Variants in TFAP2D observed in about 807,000 individuals in gnomAD.
TFAP2D encodes transcription factor AP-2-delta.
TFAP2D carries 9 observed loss-of-function variants against 43.6 expected under a neutral mutation model. The ratio of observed to expected loss-of-function variants is 0.21; its 90% confidence interval spans 0.12 to 0.36. TFAP2D has a LOEUF of 0.36. Among genes scored for constraint, TFAP2D ranks in the 10% least tolerant of loss-of-function variants. The probability of loss-of-function intolerance (pLI) is 1.00; values close to 1 mark genes in which losing one functional copy is unlikely to be tolerated. For missense variants in TFAP2D, 513 were observed against 561.4 expected (o/e 0.91, Z 0.87); for synonymous variants, 256 against 224.9 (o/e 1.14, Z -1.24).
intron 7 of TFAP2D, among the ~76,000 whole-genome samples, chr6:50,760,394 T>C (rs1769347348): frequency 6.6e-6 from 1 of 152,010 alleles, no homozygotes; most frequent in African/African-American, 2.4e-5. Context: ...ACCAATTAAA[T>C]CAGGGTCTTT....
At chr6:50,746,898 G>T (rs1696171251) in intron 6 of TFAP2D, among the ~76,000 whole-genome samples, 1 of 152,056 alleles carries the variant, frequency 6.6e-6, no homozygotes, top group South Asian at 2.1e-4. Flanking sequence ...TTGTCCCAAA[G>T]AGAAGAAAAG....
intron 5 of TFAP2D, among the ~76,000 whole-genome samples, chr6:50,733,894 T>C (rs1768927421): frequency 6.6e-6 from 1 of 152,108 alleles, no homozygotes; most frequent in East Asian, 1.9e-4. Context: ...TCTGAAAGTA[T>C]AGATTATTTA....
At chr6:50,746,380 G>A (rs956603083) in intron 6 of TFAP2D, among the ~76,000 whole-genome samples, 1 of 151,864 alleles carries the variant, frequency 6.6e-6, no homozygotes, top group Non-Finnish European at 1.5e-5. Context: ...TGAGACTACA[G>A]GCATGAGCCA....
At position 50,713,947 on chromosome 6, in the gene TFAP2D, A is replaced by C; in HGVS notation, c.-109A>C. 1 of 1,441,068 alleles carries C rather than the reference A, an allele frequency of 6.9e-7. No individual in the cohort carries two copies. The highest frequency in any genetic ancestry group is 9.6e-7 in the Non-Finnish European group (1 of 1,038,992). 89.3% of individuals were successfully genotyped at this position (1,441,068 alleles called of 1,614,324 possible). ...CAATTTAGATATCTACCTATAGAAC[A>C]TTTTTTTTTTCCTTTAAAAATTGGA... is the stretch of plus-strand genomic sequence containing the variant. On this transcript the variant is annotated 5_prime_UTR_variant, in exon 1 of 8. Coordinates refer to ENST00000008391, the MANE Select transcript of TFAP2D (RefSeq NM_172238.4).
intron 5 of TFAP2D, among the ~76,000 whole-genome samples, chr6:50,735,901 C>T (rs952026416): frequency 2.6e-5 from 4 of 152,070 alleles, no homozygotes; most frequent in Admixed American, 1.3e-4. Context: ...GCTTGAAAAC[C>T]GGAATCATTT....
Position 50,715,202 on chromosome 6 carries a change from C to T in TFAP2D, c.126C>T (p.Ser42=). Residue 42 remains serine (S), a synonymous_variant, in exon 2 of 8, where the codon TCC becomes TCT. Coordinates refer to ENST00000008391, the MANE Select transcript of TFAP2D (RefSeq NM_172238.4). The stretch of plus-strand genomic sequence containing the variant: ...CCAATTCCACTGTCGCCTATTCCTC[C>T]TCCTCTCCTTTAACTTACTCCACCA... ...SVANSTVAYS[S]SSPLTYSTTG... 1 of 1,614,056 alleles carries T rather than the reference C, an allele frequency of 6.2e-7. No individual in the cohort carries two copies. The highest frequency in any genetic ancestry group is 2.2e-5 in the East Asian group (1 of 44,856).
chr6:50,736,835 C>T (rs1252381553), intron 5 of TFAP2D, among the ~76,000 whole-genome samples: 1 of 152,180 alleles, frequency 6.6e-6, no homozygotes, highest in Non-Finnish European at 1.5e-5. Context: ...TTTGATCTAG[C>T]TCATTATTCT....
chr6:50,732,805 T>C (rs1054891562), intron 5 of TFAP2D, among the ~76,000 whole-genome samples: 1 of 152,076 alleles, frequency 6.6e-6, no homozygotes, highest in Admixed American at 6.6e-5. Flanking sequence ...CATAACAGGT[T>C]TCATTAGCAT....
intron 6 of TFAP2D, among the ~76,000 whole-genome samples, chr6:50,745,458 T>C (rs1769113245): frequency 6.6e-6 from 1 of 152,158 alleles, no homozygotes; most frequent in Non-Finnish European, 1.5e-5. Flanking sequence ...GATAAGGCTG[T>C]CATTGAAACT....
chr6:50,766,931 GT>G (rs1383408520), intron 7 of TFAP2D, among the ~76,000 whole-genome samples: 3 of 152,036 alleles, frequency 2.0e-5, no homozygotes, highest in Non-Finnish European at 2.9e-5. Context: ...GCCTCCCAAA[GT>G]GCTGGGATTA....
At chr6:50,723,115 G>A (rs1463747343) in intron 3 of TFAP2D, among the ~76,000 whole-genome samples, 2 of 152,238 alleles carry the variant, frequency 1.3e-5, no homozygotes, top group Non-Finnish European at 2.9e-5. Flanking sequence ...AGCGCTTAGA[G>A]GTGACTGGCA....
In TFAP2D at chr6:50,713,813, T is replaced by A; in HGVS notation, c.-243T>A. On this transcript the variant is annotated 5_prime_UTR_variant, in exon 1 of 8. Coordinates refer to ENST00000008391, the MANE Select transcript of TFAP2D (RefSeq NM_172238.4). The stretch of plus-strand genomic sequence containing the variant: ...ATCAGCCAAAGAAATACTCAGCAAG[T>A]ACAAAATCTGTTCCAGGGAGCTGCT... 1 of 590,520 alleles carries A rather than the reference T, an allele frequency of 1.7e-6. No homozygotes were observed. Among genetic ancestry groups the A allele is most frequent in the Non-Finnish European group, 2.9e-6 (1 of 339,172 alleles). The allele number at this position is 590,520 out of a possible 1,614,324, so 36.6% of individuals were successfully genotyped here.
At chr6:50,723,904 GCA>G (rs1768768046) in intron 3 of TFAP2D, among the ~76,000 whole-genome samples, 1 of 151,884 alleles carries the variant, frequency 6.6e-6, no homozygotes, top group Non-Finnish European at 1.5e-5. Flanking sequence ...GTCTCTTCAC[GCA>G]CACCTCTCTT....
intron 7 of TFAP2D, among the ~76,000 whole-genome samples, chr6:50,771,092 A>AAGAACTACCT (rs1344852363): frequency 1.3e-5 from 2 of 152,214 alleles, no homozygotes; most frequent in Non-Finnish European, 2.9e-5. Context: ...TCGTGGTTGG[A>AAGAACTACCT]AGAACTACCT....
intron 6 of TFAP2D, among the ~76,000 whole-genome samples, chr6:50,745,515 G>T (rs1214849582): frequency 6.6e-6 from 1 of 152,104 alleles, no homozygotes; most frequent in Non-Finnish European, 1.5e-5. Flanking sequence ...GAAATCCCTT[G>T]GAGAAAAACA....
At position 50,730,868 on chromosome 6, in the gene TFAP2D, C is replaced by A. The variant is rs143196785; in HGVS notation, c.883+1556C>A. Among the ~76,000 whole-genome samples, 69 of 152,092 alleles carry A rather than the reference C, an allele frequency of 4.5e-4. 3 individuals carry two copies. The East Asian group carries it at 0.013, about 29-fold the overall frequency. Reference sequence around the variant, plus strand: ...TCATTGATTTAATTGTTCCTTGGAACCCTTTTCACCACCCGGGATGATTGT... The same window carrying A: ...TCATTGATTTAATTGTTCCTTGGAAACCTTTTCACCACCCGGGATGATTGT... On this transcript the variant is annotated intron_variant, in intron 5 of 7. Transcript: ENST00000008391.
chr6:50,764,816 T>C (rs1769419834), intron 7 of TFAP2D, among the ~76,000 whole-genome samples: 1 of 152,162 alleles, frequency 6.6e-6, no homozygotes, highest in Admixed American at 6.6e-5. Context: ...AAATAAAATA[T>C]ATTTAAGATG....
chr6:50,732,415 C>T (rs1411666735), intron 5 of TFAP2D, among the ~76,000 whole-genome samples: 1 of 152,000 alleles, frequency 6.6e-6, no homozygotes, highest in African/African-American at 2.4e-5. Flanking sequence ...TCTCAAACAT[C>T]CTAATGGCCC....
intron 7 of TFAP2D, among the ~76,000 whole-genome samples, chr6:50,771,173 C>T (rs767982250): frequency 6.6e-6 from 1 of 152,134 alleles, no homozygotes; most frequent in African/African-American, 2.4e-5. Flanking sequence ...AGTTAGTTTT[C>T]GGGACCTAAA....
Sources: allele counts gnomAD v4.1 joint callset (sites outside exome capture counted in the v4.1 genomes callset), GRCh38; gene constraint gnomAD v4.1.1; transcripts MANE v1.5; gene names NCBI Gene and HGNC (gene_info 2026-07-23, HGNC 2026-07-21).